Variants in DMD observed in about 807,000 individuals in gnomAD.
DMD encodes the protein mutant dystrophin.
A neutral mutation model predicts 330.1 loss-of-function variants in DMD; 63 were observed. The observed-to-expected ratio is 0.19, with a 90% CI of 0.16 to 0.24. The LOEUF is 0.24. DMD is among the 10% of genes least tolerant of loss of function. The probability of loss-of-function intolerance (pLI) is 1.00; values close to 1 mark genes in which losing one functional copy is unlikely to be tolerated. For missense variants in DMD, 3,344 were observed against 2,684.1 expected (o/e 1.25, Z -5.43); for synonymous variants, 1,223 against 959.8 (o/e 1.27, Z -5.07).
intron 62 of DMD, among the ~76,000 whole-genome samples, chrX:31,312,987 T>C (rs769562096): frequency 2.8e-5 from 3 of 108,103 alleles, no homozygotes; most frequent in Admixed American, 9.9e-5. Flanking sequence ...ACTTAGACGA[T>C]GGGTCATTAG....
At chrX:31,394,845 C>T (rs1024228203) in intron 60 of DMD, among the ~76,000 whole-genome samples, 2 of 109,845 alleles carry the variant, frequency 1.8e-5, no homozygotes, top group Non-Finnish European at 3.8e-5. Flanking sequence ...CACTTAAATA[C>T]AGATTTTTTT....
chrX:32,994,870 T>C (rs188893332), intron 2 of DMD, among the ~76,000 whole-genome samples: 5 of 112,509 alleles, frequency 4.4e-5, no homozygotes, highest in Non-Finnish European at 7.5e-5. Context: ...GCCAGCACTT[T>C]GAGAGGCTAA....
In DMD at chrX:32,082,818, C is replaced by T. The variant is rs147379166; in HGVS notation, c.6439-114304G>A. ...AAAGGATAAAAAGATCCCTCCCAAC[C>T]ATACCTCCCCTACATGTGTGATGAA... is the stretch of plus-strand genomic sequence containing the variant. On this transcript the variant is annotated intron_variant, in intron 44 of 78. Transcript: ENST00000357033. Among the ~76,000 whole-genome samples the T allele has an allele frequency of 3.3e-3, 371 of 111,786 alleles. 2 individuals are homozygous for T. Among genetic ancestry groups the T allele is most frequent in the Non-Finnish European group, 5.9e-3 (314 of 53,160 alleles).
At chrX:32,733,763 A>T (rs1303796727) in intron 7 of DMD, among the ~76,000 whole-genome samples, 1 of 107,474 alleles carries the variant, frequency 9.3e-6, no homozygotes, top group Non-Finnish European at 1.9e-5. Flanking sequence ...CATTCAAAGC[A>T]GTGTGTAGAG....
intron 30 of DMD, among the ~76,000 whole-genome samples, chrX:32,396,328 G>GA (rs772819360): frequency 1.8e-5 from 2 of 110,923 alleles, no homozygotes; most frequent in South Asian, 3.7e-4. Flanking sequence ...TATTAACATT[G>GA]AAAAAAATCA....
chrX:32,735,856 G>T (rs760772027), intron 7 of DMD, among the ~76,000 whole-genome samples: 214 of 111,744 alleles, frequency 1.9e-3, no homozygotes, highest in Non-Finnish European at 3.3e-3. Context: ...ATAGGCATGG[G>T]CAAGGACTTC....
rs575556549 is a variant in DMD at position 32,553,396 on chromosome X, C to T, written c.1993-8062G>A. On this transcript the variant is annotated intron_variant, in intron 16 of 78. Coordinates refer to ENST00000357033, the MANE Select transcript of DMD (RefSeq NM_004006.3). ...GACTCAAAGAAGGGGACAACAGACA[C>T]GGTGGTCTATGTGAGGCTGGAGGGT... is the stretch of plus-strand genomic sequence containing the variant. Among the ~76,000 whole-genome samples, 51 of 110,288 alleles carry T rather than the reference C, an allele frequency of 4.6e-4. No individual in the cohort carries two copies. The South Asian group carries it at 4.7e-3, about 10-fold the overall frequency.
At chrX:33,235,918 T>TA (rs202051651) in intron 1 of DMD, among the ~76,000 whole-genome samples, 1,181 of 88,337 alleles carry the variant, frequency 0.013, 30 homozygotes, top group African/African-American at 0.054. Context: ...TTATTATTAT[T>TA]TTTTTTTTTT....
intron 5 of DMD, among the ~76,000 whole-genome samples, chrX:32,821,209 G>A (rs1191551065): frequency 2.7e-5 from 3 of 111,520 alleles, no homozygotes; most frequent in Non-Finnish European, 3.8e-5. Flanking sequence ...CCAATTAGGA[G>A]AGCAACATGG....
Position 32,686,735 on chromosome X carries a change from A to G in DMD, c.960+11135T>C, listed in dbSNP as rs764724681. Among the ~76,000 whole-genome samples the G allele has an allele frequency of 2.6e-4, 29 of 111,138 alleles. No individual in the cohort carries two copies. In the East Asian group the frequency reaches 5.3e-3, roughly 20 times the overall value. The stretch of plus-strand genomic sequence containing the variant: ...GAGAAAAGATTAAAAATATTAAAAT[A>G]TTTTCTGAAAACAAAATAGATTGTA... On this transcript the variant is annotated intron_variant, in intron 9 of 78. Coordinates refer to ENST00000357033, the MANE Select transcript of DMD (RefSeq NM_004006.3).
intron 1 of DMD, among the ~76,000 whole-genome samples, chrX:33,190,923 T>C (rs1455799163): frequency 0.15 from 135 of 886 alleles, 41 homozygotes; most frequent in Non-Finnish European, 0.21. Context: ...ATTATATATA[T>C]AATATTATAT....
chrX:31,415,802 G>A (rs2061843368), intron 60 of DMD, among the ~76,000 whole-genome samples: 1 of 110,939 alleles, frequency 9.0e-6, no homozygotes, highest in Admixed American at 9.7e-5. Context: ...TTCAACAAAT[G>A]CTGATGCTTG....
At chrX:31,157,859 A>C (rs1317709348) in intron 74 of DMD, among the ~76,000 whole-genome samples, 4 of 104,172 alleles carry the variant, frequency 3.8e-5, no homozygotes, top group Non-Finnish European at 7.8e-5. Context: ...GCTGGAGTGC[A>C]GTGGTGTAAT....
chrX:31,350,125 T>G (rs1268680376), intron 60 of DMD, among the ~76,000 whole-genome samples: 1 of 110,810 alleles, frequency 9.0e-6, no homozygotes, highest in African/African-American at 3.3e-5. Context: ...AAACCTACCT[T>G]CCCAACCTTA....
rs2057804366 is a variant in DMD at position 32,619,159 on chromosome X, A to G, written c.1332-4706T>C. Among the ~76,000 whole-genome samples, 4 of 111,734 alleles carry G rather than the reference A, an allele frequency of 3.6e-5. No individual in the cohort carries two copies. In the Admixed American group the frequency reaches 3.8e-4, roughly 11 times the overall value. ...AAAGAATAAAATACTGTCATTTGCA[A>G]CAACATGGATGAACCTGGAGGATAT... is the stretch of plus-strand genomic sequence containing the variant. On this transcript the variant is annotated intron_variant, in intron 11 of 78. Coordinates refer to ENST00000357033, the MANE Select transcript of DMD (RefSeq NM_004006.3).
chrX:31,369,795 C>T (rs2089036342), intron 60 of DMD, among the ~76,000 whole-genome samples: 1 of 111,601 alleles, frequency 9.0e-6, no homozygotes, highest in African/African-American at 3.3e-5. Context: ...AGCAATTGAA[C>T]ATCCATATGC....
chrX:32,153,486 A>G (rs1569547233), intron 44 of DMD, among the ~76,000 whole-genome samples: 5 of 109,495 alleles, frequency 4.6e-5, no homozygotes, highest in Admixed American at 1.9e-4. Flanking sequence ...ATACAAAATA[A>G]AAAGAGGAGC....
chrX:32,286,618 T>C (rs1411772688), intron 43 of DMD, among the ~76,000 whole-genome samples: 5 of 111,561 alleles, frequency 4.5e-5, no homozygotes, highest in Non-Finnish European at 9.4e-5. Context: ...TTTAGAAAAA[T>C]GACGGCCACT....
At chrX:33,106,995 G>A (rs192944192) in intron 1 of DMD, among the ~76,000 whole-genome samples, 6 of 111,667 alleles carry the variant, frequency 5.4e-5, no homozygotes, top group African/African-American at 1.9e-4. Flanking sequence ...AACTCAATAC[G>A]TATAAAAGAG....
Sources: gnomAD v4.1 joint callset for allele counts (sites outside exome capture counted in the v4.1 genomes callset) on GRCh38, gnomAD v4.1.1 for gene constraint, MANE v1.5 for transcripts, NCBI Gene and HGNC (gene_info 2026-07-23, HGNC 2026-07-21) for gene names.